The following SRGAP3 variants were observed in gnomAD, a reference collection of about 807,000 sequenced individuals.
SRGAP3 encodes the protein SLIT-ROBO Rho GTPase activating protein 3, also known as SLIT-ROBO Rho GTPase-activating protein 3.
Under a neutral mutation model 121.1 loss-of-function variants are expected in SRGAP3, and 39 were observed. The observed-to-expected ratio is 0.32, with a 90% CI of 0.25 to 0.42. The LOEUF is 0.42. Among genes scored for constraint, SRGAP3 ranks in the 10% least tolerant of loss-of-function variants. SRGAP3 has a pLI of 1.00. For missense variants in SRGAP3, 1,213 were observed against 1,470.6 expected (o/e 0.82, Z 2.86); for synonymous variants, 601 against 570.0 (o/e 1.05, Z -0.77).
At chr3:9,226,612 G>A (rs1008735674) in intron 1 of SRGAP3, among the ~76,000 whole-genome samples, 25 of 152,152 alleles carry the variant, frequency 1.6e-4, no homozygotes, top group African/African-American at 5.6e-4. Context: ...CACTGTCAAC[G>A]AGAACCTTAA....
chr3:9,024,215 A>G (rs1475314712), intron 14 of SRGAP3, among the ~76,000 whole-genome samples: 3 of 152,204 alleles, frequency 2.0e-5, no homozygotes, highest in Non-Finnish European at 4.4e-5. Flanking sequence ...CTCAGAGAAG[A>G]AGGCAGTAAA....
At chr3:9,304,224 G>A (rs535698326) in intron 3 of SRGAP3, among the ~76,000 whole-genome samples, 1 of 152,176 alleles carries the variant, frequency 6.6e-6, no homozygotes, top group Admixed American at 6.5e-5. Flanking sequence ...ACCCAGCAGA[G>A]AGCCTGGCAC....
intron 1 of SRGAP3, among the ~76,000 whole-genome samples, chr3:9,334,636 G>A (rs1267954008): frequency 1.3e-5 from 2 of 152,144 alleles, no homozygotes; most frequent in African/African-American, 4.8e-5. Flanking sequence ...ACAAGATGGA[G>A]GGTCCCCCTT....
Position 8,993,069 on chromosome 3 carries a change from A to G in SRGAP3, c.2409-14T>C. 2 of 1,613,770 alleles carry G rather than the reference A, an allele frequency of 1.2e-6. No homozygotes were observed. Among genetic ancestry groups the G allele is most frequent in the Non-Finnish European group, 1.7e-6 (2 of 1,180,038 alleles). On this transcript the variant is annotated splice_polypyrimidine_tract_variant and intron_variant, in intron 19 of 21. Coordinates refer to ENST00000383836, the MANE Select transcript of SRGAP3 (RefSeq NM_014850.4). ...AAGGCATCATCCCTGGGGAGAAGACAGACATGAATTGGAGGCACCTTCCCC... is the reference window on the plus strand; with the variant it reads ...AAGGCATCATCCCTGGGGAGAAGACGGACATGAATTGGAGGCACCTTCCCC...
chr3:9,085,667 G>T (rs1560110499), intron 3 of SRGAP3, among the ~76,000 whole-genome samples: 2 of 152,272 alleles, frequency 1.3e-5, no homozygotes, highest in Middle Eastern at 3.4e-3. Flanking sequence ...TTACAGATAT[G>T]AATGAAGCTG....
chr3:9,015,971 C>T lies in SRGAP3; in HGVS notation c.1679-240G>A, dbSNP rs1004046845. 23 of 542,616 alleles carry T rather than the reference C, an allele frequency of 4.2e-5. No homozygotes were observed. In the Admixed American group the frequency reaches 5.7e-4, roughly 13 times the overall value. The allele number at this position is 542,616 out of a possible 1,614,324, so 33.6% of individuals were successfully genotyped here. A position where few individuals can be genotyped will look rare whatever the true frequency, so the allele number is the denominator to read the frequency against. On this transcript the variant is annotated intron_variant, in intron 14 of 21. Transcript: ENST00000383836. ...AAAATAATGAACGCCCATCACCCTT[C>T]GCTTACAACTCATCTTGCCACATTT...
intron 1 of SRGAP3, 142 bp downstream of exon 1, chr3:9,248,743 T>G: frequency 1.1e-6 from 1 of 875,706 alleles, no homozygotes; most frequent in Non-Finnish European, 1.9e-6. Flanking sequence ...CGGCTGCCAC[T>G]GTTACTCCTC....
At chr3:9,336,005 G>A (rs1955686651) in intron 1 of SRGAP3, among the ~76,000 whole-genome samples, 1 of 152,008 alleles carries the variant, frequency 6.6e-6, no homozygotes, top group Admixed American at 6.6e-5. Context: ...CCTATCTCTG[G>A]GGAAAAACAC....
At chr3:9,054,531 G>A (rs901845880) in intron 8 of SRGAP3, among the ~76,000 whole-genome samples, 1 of 152,306 alleles carries the variant, frequency 6.6e-6, no homozygotes, top group Non-Finnish European at 1.5e-5. Context: ...CAACTTACAT[G>A]TATTGACTGA....
chr3:8,986,004 G>T, intron 21 of SRGAP3, 72 bp from the exon 22 acceptor site: 1 of 1,595,946 alleles, frequency 6.3e-7, no homozygotes, highest in East Asian at 2.2e-5. Flanking sequence ...CTGCTAAGCA[G>T]CTTCCCTTCG....
chr3:9,145,142 A>G (rs759287446), intron 1 of SRGAP3, among the ~76,000 whole-genome samples: 8 of 151,992 alleles, frequency 5.3e-5, no homozygotes, highest in Non-Finnish European at 7.4e-5. Flanking sequence ...GTCATCCAGG[A>G]TGGAGTGCAG....
chr3:9,343,112 T>C (rs958277009), intron 1 of SRGAP3, among the ~76,000 whole-genome samples: 2 of 152,234 alleles, frequency 1.3e-5, no homozygotes, highest in East Asian at 3.8e-4. Flanking sequence ...ATTGTCTTCT[T>C]CCACAGTCTG....
At chr3:9,361,083 T>G (rs958719312) in intron 1 of SRGAP3, among the ~76,000 whole-genome samples, 1 of 152,196 alleles carries the variant, frequency 6.6e-6, no homozygotes, top group Non-Finnish European at 1.5e-5. Context: ...TGGAGAAATA[T>G]CTATTCAAGC....
chr3:9,322,063 G>A (rs1033998625), intron 3 of SRGAP3, among the ~76,000 whole-genome samples: 2 of 151,710 alleles, frequency 1.3e-5, no homozygotes, highest in Non-Finnish European at 2.9e-5. Context: ...CACTGATCTT[G>A]GAGATAAGAT....
intron 12 of SRGAP3, among the ~76,000 whole-genome samples, chr3:9,031,154 C>G (rs1944461335): frequency 6.6e-6 from 1 of 152,154 alleles, no homozygotes; most frequent in African/African-American, 2.4e-5. Flanking sequence ...AGGTGCTCAT[C>G]CTAAATCACC....
intron 1 of SRGAP3, among the ~76,000 whole-genome samples, chr3:9,188,572 C>T (rs1166839783): frequency 6.6e-6 from 1 of 152,222 alleles, no homozygotes; most frequent in Non-Finnish European, 1.5e-5. Flanking sequence ...AATGGGGCCA[C>T]ACCAGGGCTA....
intron 1 of SRGAP3, among the ~76,000 whole-genome samples, chr3:9,346,998 C>T (rs139336520): frequency 1.3e-5 from 2 of 151,816 alleles, no homozygotes; most frequent in South Asian, 2.1e-4. Context: ...TCAGGTGATC[C>T]GCCCAGGCTA....
rs563013542 is a variant in SRGAP3 at position 9,357,872 on chromosome 3, ATTT to A, written n.214+4965_214+4967del. 3.2e-4 allele frequency among the ~76,000 whole-genome samples: 46 copies of A among 145,926 alleles called. 1 individual carries two copies. In the South Asian group the frequency reaches 9.7e-3, roughly 31 times the overall value. On this transcript the variant is annotated intron_variant and non_coding_transcript_variant, in intron 1 of 3. Transcript: ENST00000490889. ...CATAACACAAAATTCCCCATTTGAA[ATTT>A]TTTTTTTTTTCTTTTTTGAGATGGA...
intron 3 of SRGAP3, among the ~76,000 whole-genome samples, chr3:9,324,734 G>A (rs1240603554): frequency 2.6e-5 from 4 of 151,768 alleles, no homozygotes; most frequent in African/African-American, 9.7e-5. Flanking sequence ...AAGGTGGGCA[G>A]ATCACGAGGT....
Sources: allele counts gnomAD v4.1 joint callset (sites outside exome capture counted in the v4.1 genomes callset), GRCh38; gene constraint gnomAD v4.1.1; transcripts MANE v1.5; gene names NCBI Gene and HGNC (gene_info 2026-07-23, HGNC 2026-07-21).